Variants in CACNA1B observed in about 807,000 individuals in gnomAD.
The protein encoded by CACNA1B is voltage-dependent N-type calcium channel subunit alpha-1B.
A neutral mutation model predicts 247.2 loss-of-function variants in CACNA1B; 70 were observed. That is an observed-to-expected ratio of 0.28 (90% CI 0.23 to 0.35). The LOEUF (loss-of-function observed/expected upper bound fraction) is 0.35, where lower values mean the gene tolerates loss of function less well. Among genes scored for constraint, CACNA1B ranks in the 10% least tolerant of loss-of-function variants. The pLI, the probability that CACNA1B is intolerant of heterozygous loss-of-function variation, is 1.00. For synonymous variants in CACNA1B, 1,231 were observed against 1,294.4 expected, an observed-to-expected ratio of 0.95 and a Z score of 1.05; for missense variants, 2,367 against 3,197.4, an observed-to-expected ratio of 0.74 and a Z score of 6.26.
At chr9:138,108,571 C>A (rs1961516546) in intron 39 of CACNA1B, among the ~76,000 whole-genome samples, 1 of 151,986 alleles carries the variant, frequency 6.6e-6, no homozygotes, top group African/African-American at 2.4e-5. Context: ...AAAGACATGA[C>A]CAGAAAAGAA....
chr9:138,040,843 C>T (rs1959111109), intron 20 of CACNA1B, among the ~76,000 whole-genome samples: 1 of 152,166 alleles, frequency 6.6e-6, no homozygotes. Context: ...TACTTTGTAT[C>T]CTTCAATCCA....
rs1956944087 is a variant in CACNA1B, at chr9:137,882,737, C to T, written c.391-7C>T. Reference sequence around the variant, plus strand: ...CAGGGGTGACCACTGTTCTGCGCTTCTCCTAGGACGACACGGAGCCCTATT... The same window carrying T: ...CAGGGGTGACCACTGTTCTGCGCTTTTCCTAGGACGACACGGAGCCCTATT... On this transcript the variant is annotated splice_polypyrimidine_tract_variant and splice_region_variant and intron_variant, in intron 2 of 46. Transcript: ENST00000371372. The surrounding 1 kb of genome is among the most constrained non-coding windows in gnomAD (Gnocchi z 4.0). The T allele has an allele frequency of 6.2e-7, 1 of 1,613,794 alleles. No individual in the cohort carries two copies. Among genetic ancestry groups the T allele is most frequent in the Non-Finnish European group, 8.5e-7 (1 of 1,179,820 alleles).
At chr9:137,962,482 G>T (rs1272804514) in intron 10 of CACNA1B, among the ~76,000 whole-genome samples, 4 of 151,606 alleles carry the variant, frequency 2.6e-5, no homozygotes, top group African/African-American at 7.3e-5. Flanking sequence ...TGTGATGTTA[G>T]GTTGTTAACT....
chr9:138,002,131 G>A (rs753267554), intron 15 of CACNA1B, among the ~76,000 whole-genome samples: 4 of 152,158 alleles, frequency 2.6e-5, no homozygotes, highest in Non-Finnish European at 5.9e-5. Flanking sequence ...TTTTTATAAA[G>A]CTATGGTAAT....
At chr9:137,893,274 A>G (rs921692892) in intron 3 of CACNA1B, among the ~76,000 whole-genome samples, 4 of 123,218 alleles carry the variant, frequency 3.2e-5, no homozygotes, top group Non-Finnish European at 5.0e-5. Flanking sequence ...TGTGAGGTTT[A>G]TTATGTGCTG....
intron 15 of CACNA1B, among the ~76,000 whole-genome samples, chr9:137,987,178 T>G (rs1958374241): frequency 6.6e-6 from 1 of 152,232 alleles, no homozygotes; most frequent in Admixed American, 6.5e-5. Context: ...CATGCACTTC[T>G]GTTTTTTATT....
At chr9:138,094,400 T>A (rs1438889094) in intron 36 of CACNA1B, among the ~76,000 whole-genome samples, 12 of 145,394 alleles carry the variant, frequency 8.3e-5, no homozygotes, top group African/African-American at 3.1e-4. Flanking sequence ...CACTTAAAAA[T>A]TGTTAAAATG....
chr9:138,055,457 C>G (rs1589100329), intron 26 of CACNA1B, among the ~76,000 whole-genome samples: 1 of 152,154 alleles, frequency 6.6e-6, no homozygotes, highest in South Asian at 2.1e-4. Context: ...TAGAGTCCAA[C>G]TGATCTTTTT....
chr9:138,024,106 G>A (rs952032621), intron 19 of CACNA1B, among the ~76,000 whole-genome samples: 1 of 152,252 alleles, frequency 6.6e-6, no homozygotes, highest in African/African-American at 2.4e-5. Context: ...GAGGGCTTAA[G>A]GGGGAATTGT....
chr9:137,956,702 A>T lies in CACNA1B; in HGVS notation c.1187-69A>T, dbSNP rs902001877. On this transcript the variant is annotated intron_variant, in intron 8 of 46. Coordinates refer to ENST00000371372, the MANE Select transcript of CACNA1B (RefSeq NM_000718.4). ...AGAAGGCAGGGCCTTCCAGACAGAGATGTGCCTCTGTCCTGGGGCATTCCT... is the reference window on the plus strand; with the variant it reads ...AGAAGGCAGGGCCTTCCAGACAGAGTTGTGCCTCTGTCCTGGGGCATTCCT... The T allele has an allele frequency of 1.8e-4, 220 of 1,255,812 alleles. 2 individuals are homozygous for T. The highest frequency in any genetic ancestry group is 1.4e-3 in the Middle Eastern group (7 of 5,118). 77.8% of individuals were successfully genotyped at this position (1,255,812 alleles called of 1,614,324 possible).
chr9:138,077,366 T>C (rs1960363062), intron 35 of CACNA1B, among the ~76,000 whole-genome samples: 1 of 152,136 alleles, frequency 6.6e-6, no homozygotes, highest in Non-Finnish European at 1.5e-5. Context: ...CTTGAGGTGT[T>C]CAAGGACCAG....
rs202100120 is a variant in CACNA1B at position 137,986,736 on chromosome 9, G to A, written c.1902-46G>A. Reference sequence around the variant, plus strand: ...CGCTGGAGCCTGCAGGCGCTGCCTCGCTGCTGACGGGACTGCCACTTCCCA... The same window carrying A: ...CGCTGGAGCCTGCAGGCGCTGCCTCACTGCTGACGGGACTGCCACTTCCCA... On this transcript the variant is annotated intron_variant, in intron 14 of 46. Transcript: ENST00000371372. The surrounding 1 kb of genome is among the most constrained non-coding windows in gnomAD (Gnocchi z 6.0). 166 of 1,519,084 alleles carry A rather than the reference G, an allele frequency of 1.1e-4. No homozygotes were observed. The African/African-American group carries it at 1.6e-3, about 15-fold the overall frequency. 94.1% of individuals were successfully genotyped at this position (1,519,084 alleles called of 1,614,324 possible).
chr9:138,074,244 C>CTTT (rs374889294), intron 34 of CACNA1B, among the ~76,000 whole-genome samples, 178 bp downstream of exon 34: 7 of 144,326 alleles, frequency 4.9e-5, no homozygotes, highest in African/African-American at 1.5e-4. Context: ...TTTTCTTACT[C>CTTT]TTTTTTTTTT....
intron 11 of CACNA1B, among the ~76,000 whole-genome samples, chr9:137,972,967 CTT>C (rs1484413457): frequency 2.6e-5 from 4 of 152,194 alleles, no homozygotes; most frequent in Admixed American, 6.5e-5. Context: ...CAGTGTCTCT[CTT>C]GAGTCCTCCG....
At chr9:138,075,276 C>A (rs553316920) in intron 34 of CACNA1B, among the ~76,000 whole-genome samples, 9 of 152,192 alleles carry the variant, frequency 5.9e-5, no homozygotes, top group Non-Finnish European at 1.2e-4. Flanking sequence ...TACAAGAGCA[C>A]ATACGTTACT....
rs1484183487 is a variant in CACNA1B, at chr9:138,004,760, A to G, written c.1975-2007A>G. On this transcript the variant is annotated intron_variant, in intron 15 of 46. Transcript: ENST00000371372. ...CCAACAAGGGACTACTATCCACAATATACAAGGAACTCAAACAACTCAACA... is the reference window on the plus strand; with the variant it reads ...CCAACAAGGGACTACTATCCACAATGTACAAGGAACTCAAACAACTCAACA... Among the ~76,000 whole-genome samples, 4 of 152,306 alleles carry G rather than the reference A, an allele frequency of 2.6e-5. No individual in the cohort carries two copies. The East Asian group carries it at 5.8e-4, about 22-fold the overall frequency.
intron 42 of CACNA1B, 112 bp downstream of exon 42, chr9:138,115,791 C>T: frequency 1.7e-6 from 2 of 1,154,634 alleles, no homozygotes; most frequent in South Asian, 3.1e-5. Flanking sequence ...CCACTGGCCT[C>T]TGGGTTCACC....
At chr9:137,980,352 A>T (rs1218005772) in intron 12 of CACNA1B, among the ~76,000 whole-genome samples, 1 of 152,196 alleles carries the variant, frequency 6.6e-6, no homozygotes, top group African/African-American at 2.4e-5. Flanking sequence ...TTCCTGCTTC[A>T]TTGACCAGAT....
At chr9:137,978,476 TCCATGAAGGAGTGCCCTC>T (rs1237138013) in intron 12 of CACNA1B, among the ~76,000 whole-genome samples, 4 of 141,832 alleles carry the variant, frequency 2.8e-5, no homozygotes, top group Non-Finnish European at 4.6e-5. Flanking sequence ...CACTACCCCT[TCCATGAAGGAGTGCCCTC>T]CCATGAAGGA....
Sources: gnomAD v4.1 joint callset for allele counts (sites outside exome capture counted in the v4.1 genomes callset) on GRCh38, gnomAD v4.1.1 for gene constraint, Gnocchi (gnomAD v3.1) non-coding constraint, MANE v1.5 for transcripts, NCBI Gene and HGNC (gene_info 2026-07-23, HGNC 2026-07-21) for gene names.